SPOCK3: variants seen among roughly 807,000 people sequenced by gnomAD.
SPOCK3 encodes SPARC (osteonectin), cwcv and kazal like domains proteoglycan 3.
In SPOCK3, 30 loss-of-function variants were observed where a neutral mutation model predicts 56.6. The ratio of observed to expected loss-of-function variants is 0.53; its 90% CI spans 0.40 to 0.72. The LOEUF (loss-of-function observed/expected upper bound fraction) is 0.72, where lower values mean the gene tolerates loss of function less well. Among genes scored for constraint, SPOCK3 ranks in the 30% least tolerant of loss-of-function variants. The pLI is 0.00. For synonymous variants in SPOCK3, 196 were observed against 183.3 expected (o/e 1.07, Z -0.56); for missense variants, 527 against 530.0 (o/e 0.99, Z 0.06).
chr4:167,022,307 T>A (rs115986420), intron 3 of SPOCK3, among the ~76,000 whole-genome samples: 1 of 152,176 alleles, frequency 6.6e-6, no homozygotes, highest in African/African-American at 2.4e-5. Flanking sequence ...TGCCATCAAC[T>A]GTTCTGCAAC....
intron 5 of SPOCK3, among the ~76,000 whole-genome samples, chr4:166,908,236 A>G (rs937952136): frequency 1.2e-4 from 18 of 151,698 alleles, no homozygotes; most frequent in African/African-American, 3.9e-4. Flanking sequence ...TGTAATAAAA[A>G]AATTAGGCCT....
intron 3 of SPOCK3, among the ~76,000 whole-genome samples, chr4:167,046,450 C>CTTTTTTTTTTTTTTTTTTTTTTTT (rs67108499): frequency 1.1e-4 from 6 of 53,704 alleles, no homozygotes; most frequent in Non-Finnish European, 2.0e-4. Context: ...TTCTGATATT[C>CTTTTTTTTTTTTTTTTTTTTTTTT]TTTTTTTTTT....
chr4:167,058,749 T>G (rs1580158900), intron 3 of SPOCK3, among the ~76,000 whole-genome samples: 1 of 152,176 alleles, frequency 6.6e-6, no homozygotes. Context: ...GACTTCAAAC[T>G]ATACTACAAG....
intron 3 of SPOCK3, among the ~76,000 whole-genome samples, chr4:167,022,094 G>A (rs1751242643): frequency 2.0e-5 from 3 of 151,906 alleles, no homozygotes; most frequent in Non-Finnish European, 2.9e-5. Flanking sequence ...ATACCCGAAC[G>A]TCATTTGGAT....
At chr4:166,765,404 T>C (rs1737867830) in intron 7 of SPOCK3, among the ~76,000 whole-genome samples, 1 of 152,208 alleles carries the variant, frequency 6.6e-6, no homozygotes, top group Non-Finnish European at 1.5e-5. Context: ...TTTGTACATA[T>C]GGCTAGCCAG....
chr4:167,193,571 C>A (rs561422182), intron 2 of SPOCK3, among the ~76,000 whole-genome samples: 2 of 145,812 alleles, frequency 1.4e-5, no homozygotes, highest in Non-Finnish European at 3.0e-5. Flanking sequence ...TATACATCAC[C>A]ATTACAGTAT....
At chr4:166,994,566 GAGA>G (rs1748158877) in intron 4 of SPOCK3, among the ~76,000 whole-genome samples, 1 of 152,138 alleles carries the variant, frequency 6.6e-6, no homozygotes, top group Non-Finnish European at 1.5e-5. Flanking sequence ...AAAGGACCAC[GAGA>G]AGGATTTTGG....
chr4:166,780,448 C>T (rs1177039609), intron 7 of SPOCK3, among the ~76,000 whole-genome samples: 1 of 152,080 alleles, frequency 6.6e-6, no homozygotes, highest in African/African-American at 2.4e-5. Flanking sequence ...ACCCAAGAAA[C>T]CACCTGAGAA....
chr4:166,799,592 A>G (rs981124945), intron 6 of SPOCK3, among the ~76,000 whole-genome samples: 61 of 152,110 alleles, frequency 4.0e-4, no homozygotes, highest in Admixed American at 6.5e-5. Context: ...TAAAAGGTTC[A>G]TCCATGATTT....
intron 2 of SPOCK3, among the ~76,000 whole-genome samples, chr4:167,121,120 A>G (rs1017974993): frequency 5.3e-5 from 8 of 151,594 alleles, no homozygotes; most frequent in Non-Finnish European, 1.2e-4. Context: ...TTTAAAATCA[A>G]TCATGAAAAA....
At chr4:167,183,266 T>C (rs908065156) in intron 2 of SPOCK3, among the ~76,000 whole-genome samples, 9 of 152,218 alleles carry the variant, frequency 5.9e-5, no homozygotes, top group Non-Finnish European at 1.2e-4. Flanking sequence ...ATGATCATTG[T>C]TTTAAGCCAC....
chr4:167,142,238 C>T (rs1763596673), intron 2 of SPOCK3, among the ~76,000 whole-genome samples: 1 of 151,822 alleles, frequency 6.6e-6, no homozygotes, highest in African/African-American at 2.4e-5. Context: ...ATAGAGAAAA[C>T]TGAAGACCCA....
At chr4:166,820,825 T>A (rs1744860196) in intron 6 of SPOCK3, among the ~76,000 whole-genome samples, 1 of 151,720 alleles carries the variant, frequency 6.6e-6, no homozygotes, top group Non-Finnish European at 1.5e-5. Flanking sequence ...TCAAAATTTT[T>A]AAAAAAATAA....
intron 2 of SPOCK3, among the ~76,000 whole-genome samples, chr4:167,186,700 G>A (rs928512550): frequency 6.6e-6 from 1 of 151,958 alleles, no homozygotes; most frequent in Non-Finnish European, 1.5e-5. Context: ...AGTCCAGCAA[G>A]GTGCAGTGGC....
chr4:167,153,764 G>A (rs1050520101), intron 2 of SPOCK3, among the ~76,000 whole-genome samples: 1 of 152,126 alleles, frequency 6.6e-6, no homozygotes, highest in South Asian at 2.1e-4. Flanking sequence ...ATGACACATA[G>A]CATCAAAACA....
chr4:166,982,175 C>A (rs1028619583), intron 4 of SPOCK3, among the ~76,000 whole-genome samples: 3 of 152,158 alleles, frequency 2.0e-5, no homozygotes, highest in African/African-American at 4.8e-5. Context: ...AGCATGTGAC[C>A]CCAGCCATGC....
At chr4:166,934,389 T>C (rs537752147) in intron 4 of SPOCK3, among the ~76,000 whole-genome samples, 13 of 150,110 alleles carry the variant, frequency 8.7e-5, no homozygotes, top group Middle Eastern at 3.5e-3. Flanking sequence ...TCCAAGCTAC[T>C]CGGGAGGCTG....
intron 2 of SPOCK3, among the ~76,000 whole-genome samples, chr4:167,131,010 T>C (rs1318410551): frequency 6.6e-6 from 1 of 152,078 alleles, no homozygotes; most frequent in Admixed American, 6.5e-5. Flanking sequence ...CAAATGGTGA[T>C]CAAAAATTAA....
intron 2 of SPOCK3, among the ~76,000 whole-genome samples, chr4:167,166,234 G>A (rs1325426661): frequency 1.3e-5 from 2 of 151,880 alleles, no homozygotes; most frequent in African/African-American, 4.8e-5. Context: ...GACAAAACTA[G>A]AACATTGCAG....
Sources: gnomAD v4.1 joint callset for allele counts (sites outside exome capture counted in the v4.1 genomes callset) on GRCh38, gnomAD v4.1.1 for gene constraint, MANE v1.5 for transcripts, NCBI Gene and HGNC (gene_info 2026-07-23, HGNC 2026-07-21) for gene names.